Variants in HDAC5 observed in about 807,000 individuals in gnomAD.
HDAC5 encodes histone deacetylase 5.
A neutral mutation model predicts 133.3 loss-of-function variants in HDAC5; 25 were observed. The observed-to-expected ratio is 0.19, with a 90% CI of 0.14 to 0.26. The LOEUF is 0.26. Among genes scored for constraint, HDAC5 ranks in the 10% least tolerant of loss-of-function variants. The pLI is 1.00. For synonymous variants in HDAC5, 589 were observed against 610.8 expected (o/e 0.96, Z 0.53); for missense variants, 1,041 against 1,460.5 (o/e 0.71, Z 4.68).
chr17:44,120,402 T>G (rs1471348105), intron 1 of HDAC5: 2 of 152,152 alleles, frequency 1.3e-5, no homozygotes, highest in East Asian at 3.9e-4. Context: ...GAATCAAGTC[T>G]TGGGAGTCTG....
At chr17:44,111,321 G>A (rs947924759) in intron 2 of HDAC5, 21 of 329,208 alleles carry the variant, frequency 6.4e-5, no homozygotes, top group Non-Finnish European at 8.5e-5. Context: ...AGGGAGCTGC[G>A]GGCGGGCTGC....
At position 44,080,249 on chromosome 17, in the gene HDAC5, AGCCCG is replaced by A. The variant is rs748707021; in HGVS notation, c.2826-29_2826-25del. On this transcript the variant is annotated intron_variant, in intron 22 of 26. Transcript: ENST00000682912. The stretch of plus-strand genomic sequence containing the variant: ...TCCTGCAAAGGGATGGCTCAAGCTG[AGCCCG>A]GCAGATGACCAGGCCAGGCCTCGCC... 3 of 1,601,708 alleles carry A rather than the reference AGCCCG, an allele frequency of 1.9e-6. No homozygotes were observed. The Admixed American group carries it at 5.0e-5, about 27-fold the overall frequency.
In HDAC5 at chr17:44,083,635, C is replaced by T; in HGVS notation, c.2373G>A (p.Val791=). 6.2e-7 allele frequency: 1 copy of T among 1,614,014 alleles called. No homozygotes were observed. Among genetic ancestry groups the T allele is most frequent in the South Asian group, 1.1e-5 (1 of 91,082 alleles). ...CGGIGVDSDT[V]WNEMHSSSAV... ...CACTGGAGGAGTGCATCTCATTCCA[C>T]ACGGTGTCACTGTCCACCTGCAGGG... The change falls in exon 18 of 27, where the codon GTG becomes GTA. Residue 791 remains valine (V), a synonymous_variant. Coordinates refer to ENST00000682912, the MANE Select transcript of HDAC5 (RefSeq NM_005474.5).
intron 3 of HDAC5, among the ~76,000 whole-genome samples, chr17:44,099,575 C>T (rs1294870033): frequency 2.0e-5 from 3 of 151,966 alleles, no homozygotes; most frequent in East Asian, 1.9e-4. Flanking sequence ...TCCAGGTTCA[C>T]GCCATTCTCC....
chr17:44,093,388 C>T lies in HDAC5; in HGVS notation c.452G>A (p.Arg151Gln), dbSNP rs754947486. Residue 151 changes from arginine to glutamine, a missense_variant, in exon 5 of 27, where the codon CGG (arginine) becomes CAG (glutamine). By Grantham distance (43) the Arg-to-Gln change is conservative (BLOSUM62 1). Around this residue, in one of 9 missense-constraint regions of HDAC5, gnomAD observed 109 missense variants for 168.0 expected, o/e 0.65. Coordinates refer to ENST00000682912, the MANE Select transcript of HDAC5 (RefSeq NM_005474.5). ...LEQQRQREQQ[R>Q]QEELEKQRLE... Reference sequence around the variant, plus strand: ...CCGCTGCTTCTCCAGCTCTTCCTGCCGCTGCTGCTCCCGCTGCCGCTGCTG... The same window carrying T: ...CCGCTGCTTCTCCAGCTCTTCCTGCTGCTGCTGCTCCCGCTGCCGCTGCTG... 1.5e-5 allele frequency: 24 copies of T among 1,587,026 alleles called. No homozygotes were observed. In the Middle Eastern group the frequency reaches 5.0e-4, roughly 33 times the overall value.
intron 18 of HDAC5, among the ~76,000 whole-genome samples, chr17:44,083,332 G>A (rs890874930): frequency 4.6e-5 from 7 of 152,158 alleles, no homozygotes; most frequent in East Asian, 1.9e-4. Context: ...TTTCTGCCTC[G>A]AGACACCCAC....
rs565962453 is a variant in HDAC5 at position 44,093,558 on chromosome 17, G to A, written c.354+17C>T. On this transcript the variant is annotated intron_variant, in intron 4 of 26. Transcript: ENST00000682912. ...GGATCGGAGGTCTGGGCGGCCCCCC[G>A]CACCCCCCTCGCTCACCTTGAGGTG... is the stretch of plus-strand genomic sequence containing the variant. 70 of 1,598,710 alleles carry A rather than the reference G, an allele frequency of 4.4e-5. No homozygotes were observed. The highest frequency in any genetic ancestry group is 5.6e-5 in the Non-Finnish European group (66 of 1,171,020).
At chr17:44,121,419 C>T (rs2052993857) in intron 1 of HDAC5, among the ~76,000 whole-genome samples, 1 of 139,780 alleles carries the variant, frequency 7.2e-6, no homozygotes, top group African/African-American at 2.6e-5. Flanking sequence ...ACCACCCCCC[C>T]TTGCTGTCTC....
intron 23 of HDAC5, 86 bp downstream of exon 23, chr17:44,080,021 A>G (rs756913253): frequency 6.4e-5 from 62 of 961,452 alleles, no homozygotes; most frequent in Non-Finnish European, 9.5e-5. Flanking sequence ...GTCTGCTGCA[A>G]TATCAGTCTG....
intron 20 of HDAC5, 98 bp downstream of exon 20, chr17:44,082,487 G>A: frequency 1.1e-6 from 1 of 924,132 alleles, no homozygotes; most frequent in African/African-American, 1.6e-5. Flanking sequence ...GGACGACTGG[G>A]GTGCTTGAAG....
intron 11 of HDAC5, among the ~76,000 whole-genome samples, chr17:44,089,609 T>C (rs1324219320): frequency 2.0e-5 from 3 of 151,472 alleles, no homozygotes. Flanking sequence ...AAGCCAGGCA[T>C]GGTGGCACAT....
Position 44,117,500 on chromosome 17 carries a change from C to CGTTGGGAGA in HDAC5, c.7_15dup (p.Ser3_Asn5dup). 6.2e-7 allele frequency: 1 copy of CGTTGGGAGA among 1,614,052 alleles called. No homozygotes were observed. Among genetic ancestry groups the CGTTGGGAGA allele is most frequent in the South Asian group, 1.1e-5 (1 of 91,076 alleles). On this transcript the variant is annotated inframe_insertion, in exon 2 of 27. Transcript: ENST00000682912. The surrounding 1 kb of genome is among the most constrained non-coding windows in gnomAD (Gnocchi z 4.2). ...CCAACCTCCCAGCTCTTACCCGACT[C>CGTTGGGAGA]GTTGGGAGAGTTCATGCCGGCTCTG...
rs1568000870 is a variant in HDAC5, at chr17:44,093,394, T to TGCTCCCGCTGCC, written c.434_445dup (p.Arg145_Glu148dup). On this transcript the variant is annotated inframe_insertion, in exon 5 of 27. Coordinates refer to ENST00000682912, the MANE Select transcript of HDAC5 (RefSeq NM_005474.5). Reference sequence around the variant, plus strand: ...CTTCTCCAGCTCTTCCTGCCGCTGCTGCTCCCGCTGCCGCTGCTGCTCCAG... The same window carrying TGCTCCCGCTGCC: ...CTTCTCCAGCTCTTCCTGCCGCTGCTGCTCCCGCTGCCGCTCCCGCTGCCGCTGCTGCTCCAG... 2.5e-6 allele frequency: 4 copies of TGCTCCCGCTGCC among 1,590,086 alleles called. No individual in the cohort carries two copies. The highest frequency in any genetic ancestry group is 2.6e-6 in the Non-Finnish European group (3 of 1,170,676).
At chr17:44,083,882 T>C (rs375942914) in intron 16 of HDAC5, 28 bp from the exon 17 acceptor site, 2 of 1,607,270 alleles carry the variant, frequency 1.2e-6, no homozygotes, top group Non-Finnish European at 1.7e-6. Flanking sequence ...AGAGCTACTC[T>C]AGAAGTGGCC....
chr17:44,088,636 G>C, intron 11 of HDAC5, 38 bp from the exon 12 acceptor site: 1 of 1,591,416 alleles, frequency 6.3e-7, no homozygotes, highest in Non-Finnish European at 8.6e-7. Context: ...ACCATTGTCA[G>C]GGCACCTGAC....
rs372547487 is a variant in HDAC5 at position 44,084,652 on chromosome 17, C to T, written c.2208G>A (p.Thr736=). The change falls in exon 16 of 27, where the codon ACG becomes ACA. Residue 736 remains threonine (T), a synonymous_variant. Transcript: ENST00000682912. ...AGTGCACTGTCTGGATCTCATCTAG[C>T]GTGGCTTTGCGACCTCGGATCCGCT... ...KCERIRGRKA[T]LDEIQTVHSE... The T allele has an allele frequency of 1.2e-5, 19 of 1,613,958 alleles. No individual in the cohort carries two copies. The highest frequency in any genetic ancestry group is 9.3e-5 in the African/African-American group (7 of 74,908).
intron 6 of HDAC5, 61 bp from the exon 7 acceptor site, chr17:44,092,867 C>T: frequency 7.0e-6 from 5 of 711,986 alleles, no homozygotes; most frequent in Non-Finnish European, 1.2e-5. Flanking sequence ...TCTGCTGGAC[C>T]TGCCACCTGG....
rs1039360646 is a variant in HDAC5 at position 44,083,611 on chromosome 17, A to C, written c.2397T>G (p.Ser799Arg). ...DTVWNEMHSS[S>R]AVRMAVGCLL... The stretch of plus-strand genomic sequence containing the variant: ...GGCAGCCCACTGCCATGCGCACAGC[A>C]CTGGAGGAGTGCATCTCATTCCACA... Residue 799 changes from serine to arginine, a missense_variant, in exon 18 of 27, where the codon AGT becomes AGG. Physicochemically the swap from Ser to Arg is moderately radical, Grantham distance 110. Transcript: ENST00000682912. 27 of 1,614,046 alleles carry C rather than the reference A, an allele frequency of 1.7e-5. No homozygotes were observed. Among genetic ancestry groups the C allele is most frequent in the Admixed American group, 5.0e-5 (3 of 60,008 alleles).
intron 14 of HDAC5, 91 bp from the exon 15 acceptor site, chr17:44,085,246 G>A (rs1187581518): frequency 7.5e-7 from 1 of 1,338,740 alleles, no homozygotes; most frequent in South Asian, 1.8e-5. Context: ...TCATGGAGCT[G>A]TCTCCAACCC....
Sources: gnomAD v4.1 joint callset for allele counts (sites outside exome capture counted in the v4.1 genomes callset) on GRCh38, gnomAD v4.1.1 for gene constraint, gnomAD v4.1.1 regional missense constraint, Gnocchi (gnomAD v3.1) non-coding constraint, MANE v1.5 for transcripts, NCBI Gene and HGNC (gene_info 2026-07-23, HGNC 2026-07-21) for gene names.